The following PLA2G4E variants were observed in gnomAD, a reference collection of about 807,000 sequenced individuals.
The protein encoded by PLA2G4E is phospholipase A2 group IVE.
PLA2G4E carries 84 observed loss-of-function variants against 109.1 expected under a neutral mutation model. The ratio of observed to expected loss-of-function variants is 0.77; its 90% CI spans 0.65 to 0.92. PLA2G4E has a LOEUF of 0.92. PLA2G4E is among the 40% of genes least tolerant of loss of function. The probability of loss-of-function intolerance (pLI) is 0.00; values close to 1 mark genes in which losing one functional copy is unlikely to be tolerated. For missense variants in PLA2G4E, 1,057 were observed against 1,076.6 expected (o/e 0.98, Z 0.25); for synonymous variants, 469 against 436.1 (o/e 1.08, Z -0.94).
intron 3 of PLA2G4E, among the ~76,000 whole-genome samples, chr15:42,006,692 T>C (rs2068480767): frequency 6.6e-6 from 1 of 152,214 alleles, no homozygotes; most frequent in Admixed American, 6.5e-5. Context: ...CCTTGTCATC[T>C]GGCTGAACTC....
chr15:41,995,935 G>C (rs559157777), intron 11 of PLA2G4E, among the ~76,000 whole-genome samples: 1 of 152,356 alleles, frequency 6.6e-6, no homozygotes, highest in Middle Eastern at 3.4e-3. Flanking sequence ...CTGGCACATG[G>C]TGCCTGCTCA....
At position 41,994,293 on chromosome 15, in the gene PLA2G4E, C is replaced by T. The variant is rs549920677; in HGVS notation, c.1247+1067G>A. Reference sequence around the variant, plus strand: ...CCTTCTGTCTCACCTGGGCTGGCGCCTCTGCCCCCCGGGGGGGTGTGTGGC... The same window carrying T: ...CCTTCTGTCTCACCTGGGCTGGCGCTTCTGCCCCCCGGGGGGGTGTGTGGC... On this transcript the variant is annotated intron_variant, in intron 12 of 19. Transcript: ENST00000399518. 3.2e-4 allele frequency among the ~76,000 whole-genome samples: 13 copies of T among 40,132 alleles called. 1 individual carries two copies. The South Asian group carries it at 9.6e-3, about 30-fold the overall frequency. The allele number at this position is 40,132 out of a possible 152,430, so 26.3% of individuals were successfully genotyped here.
chr15:41,985,958 G>A (rs752415052), exon 18 of PLA2G4E: 1 of 1,604,906 alleles, frequency 6.2e-7, no homozygotes, highest in African/African-American at 1.3e-5. Flanking sequence ...AGGCACAGGT[G>A]GTTCGCGGAC....
In PLA2G4E at chr15:42,037,427, G is replaced by A. The variant is rs1040152963; in HGVS notation, c.183+13094C>T. 4.6e-5 allele frequency among the ~76,000 whole-genome samples: 7 copies of A among 152,248 alleles called. No homozygotes were observed. The South Asian group carries it at 8.3e-4, about 18-fold the overall frequency. On this transcript the variant is annotated intron_variant, in intron 1 of 19. Coordinates refer to ENST00000399518, the Ensembl canonical transcript of PLA2G4E. ...CTCCAGGGCCTCCTCTCTGCTAGGA[G>A]TTGAACACTAGTAGGGACGCCCTGG... is the stretch of plus-strand genomic sequence containing the variant.
intron 1 of PLA2G4E, among the ~76,000 whole-genome samples, chr15:42,027,085 T>A (rs1023771041): frequency 6.6e-6 from 1 of 151,684 alleles, no homozygotes; most frequent in Non-Finnish European, 1.5e-5. Flanking sequence ...GAAGCATGAA[T>A]GGGGAGTGAA....
chr15:42,000,328 C>T, intron 7 of PLA2G4E, 46 bp from the exon 8 acceptor site: 5 of 1,507,772 alleles, frequency 3.3e-6, no homozygotes, highest in Non-Finnish European at 3.6e-6. Context: ...CCTCTCACTA[C>T]CCACCTGCAA....
chr15:42,015,585 G>T (rs1622949), intron 1 of PLA2G4E, among the ~76,000 whole-genome samples: 103,094 of 152,150 alleles, frequency 0.68, 36,756 homozygotes, highest in Non-Finnish European at 0.79. Flanking sequence ...CCTACTGTGT[G>T]CCAGGCCCTA....
rs116425445 is a variant in PLA2G4E at position 42,050,392 on chromosome 15, G to A, written c.183+129C>T. 1,745 of 1,144,266 alleles carry A rather than the reference G, an allele frequency of 1.5e-3. 31 individuals are homozygous for A. The African/African-American group carries it at 0.025, about 16-fold the overall frequency. 70.9% of individuals were successfully genotyped at this position (1,144,266 alleles called of 1,614,324 possible). A position where few individuals can be genotyped will look rare whatever the true frequency, so the allele number is the denominator to read the frequency against. ...GGCAGCAGGGTAAAGGGACTCCTCCGGAGAGAAAGAAATGAACAAAAACCA... is the reference window on the plus strand; with the variant it reads ...GGCAGCAGGGTAAAGGGACTCCTCCAGAGAGAAAGAAATGAACAAAAACCA... On this transcript the variant is annotated intron_variant, in intron 1 of 19. Coordinates refer to ENST00000399518, the Ensembl canonical transcript of PLA2G4E.
intron 19 of PLA2G4E, 133 bp from the exon 20 acceptor site, chr15:41,984,107 C>T: frequency 1.3e-6 from 1 of 788,648 alleles, no homozygotes; most frequent in Non-Finnish European, 2.1e-6. Flanking sequence ...TGTACACACG[C>T]ACACCCTCAC....
intron 2 of PLA2G4E, chr15:42,008,939 A>G (rs1212241308): frequency 1.3e-5 from 2 of 152,246 alleles, no homozygotes; most frequent in Non-Finnish European, 2.9e-5. Flanking sequence ...GAGTGGAGCC[A>G]GGGCTTTCTT....
At chr15:41,995,550 G>A in intron 11 of PLA2G4E, 54 bp from the exon 12 acceptor site, 1 of 1,600,970 alleles carries the variant, frequency 6.2e-7, no homozygotes, top group South Asian at 1.1e-5. Context: ...CAAAGCTTGG[G>A]AGAAGACTTA....
At chr15:41,993,059 T>C in intron 12 of PLA2G4E, 100 bp from the exon 13 acceptor site, 1 of 1,066,952 alleles carries the variant, frequency 9.4e-7, no homozygotes, top group Non-Finnish European at 1.3e-6. Flanking sequence ...TTGAGAACCC[T>C]AACCTGCCAG....
At position 41,997,111 on chromosome 15, in the gene PLA2G4E, C is replaced by T. The variant is rs1300048260; in HGVS notation, c.1110+13G>A. ...CAGCTGGGCCCAGGCTGGCCACATC[C>T]CTGATTACCCACCTCGTCCTCCTGC... is the stretch of plus-strand genomic sequence containing the variant. On this transcript the variant is annotated intron_variant, in intron 11 of 19. Transcript: ENST00000399518. The T allele has an allele frequency of 1.9e-6, 3 of 1,555,652 alleles. No homozygotes were observed. The highest frequency in any genetic ancestry group is 2.6e-6 in the Non-Finnish European group (3 of 1,149,336).
At chr15:41,993,685 C>T (rs770094633) in intron 12 of PLA2G4E, among the ~76,000 whole-genome samples, 20 of 152,012 alleles carry the variant, frequency 1.3e-4, no homozygotes, top group Non-Finnish European at 1.9e-4. Context: ...TTTCATTCTG[C>T]GCCTGAGAAT....
At chr15:41,996,365 A>G (rs1218628762) in intron 11 of PLA2G4E, among the ~76,000 whole-genome samples, 1 of 149,126 alleles carries the variant, frequency 6.7e-6, no homozygotes, top group Non-Finnish European at 1.5e-5. Flanking sequence ...AAAAAAAAAA[A>G]AAAAAAAAAA....
rs150753968 is a variant in PLA2G4E, at chr15:42,004,888, C to G, written c.566+50G>C. On this transcript the variant is annotated intron_variant, in intron 5 of 19. Coordinates refer to ENST00000399518, the Ensembl canonical transcript of PLA2G4E. ...CCTCTGAAATGCTCGTTCCCAGAAGCTACTTGATGGCCAGGACCTTGGTGG... is the reference window on the plus strand; with the variant it reads ...CCTCTGAAATGCTCGTTCCCAGAAGGTACTTGATGGCCAGGACCTTGGTGG... 23 of 1,601,288 alleles carry G rather than the reference C, an allele frequency of 1.4e-5. No homozygotes were observed. In the East Asian group the frequency reaches 5.2e-4, roughly 36 times the overall value.
At position 42,000,017 on chromosome 15, in the gene PLA2G4E, G is replaced by A. The variant is rs748738636; in HGVS notation, c.853-17C>T. 2.5e-6 allele frequency: 4 copies of A among 1,599,286 alleles called. No homozygotes were observed. The African/African-American group carries it at 4.0e-5, about 16-fold the overall frequency. ...GCAGCAAAGCTGGAGGGATGGGTGG[G>A]TTCTGTGAGAGGGGCTGGGGAGCTC... On this transcript the variant is annotated splice_polypyrimidine_tract_variant and intron_variant, in intron 8 of 19. Transcript: ENST00000399518.
At chr15:42,008,992 C>T (rs768820148) in intron 2 of PLA2G4E, 1 of 152,240 alleles carries the variant, frequency 6.6e-6, no homozygotes. Context: ...TCAGAATCAA[C>T]AGCCCTGATC....
chr15:42,050,496 C>T, intron 1 of PLA2G4E: 1 of 1,543,212 alleles, frequency 6.5e-7, no homozygotes, highest in Non-Finnish European at 8.8e-7. Context: ...GGGACCAGAC[C>T]CCCCTCCCAG....
Sources: gnomAD v4.1 joint callset for allele counts (sites outside exome capture counted in the v4.1 genomes callset) on GRCh38, gnomAD v4.1.1 for gene constraint, MANE v1.5 for transcripts, NCBI Gene and HGNC (gene_info 2026-07-23, HGNC 2026-07-21) for gene names.